The following SORCS1 variants were observed in gnomAD, a reference collection of about 807,000 sequenced individuals.
The protein encoded by SORCS1 is sortilin related VPS10 domain containing receptor 1.
SORCS1 carries 60 observed loss-of-function variants against 146.1 expected under a neutral mutation model. That is an observed-to-expected ratio of 0.41 (90% CI 0.33 to 0.51). The LOEUF (loss-of-function observed/expected upper bound fraction) is 0.51. Ranked by LOEUF, SORCS1 falls within the 20% of genes least tolerant of loss-of-function variation. SORCS1 has a pLI of 0.21. For missense variants in SORCS1, 1,352 were observed against 1,487.6 expected (o/e 0.91, Z 1.50); for synonymous variants, 637 against 584.0 (o/e 1.09, Z -1.31).
chr10:106,762,383 ATTCT>A (rs1564942215), intron 4 of SORCS1, among the ~76,000 whole-genome samples: 3 of 112,876 alleles, frequency 2.7e-5, no homozygotes, highest in Non-Finnish European at 5.3e-5. Context: ...CTTTTTTATT[ATTCT>A]TTTTTTTTTT....
Position 107,065,447 on chromosome 10 carries a change from CTT to C in SORCS1, c.558+98520_558+98521del, listed in dbSNP as rs1203348261. Among the ~76,000 whole-genome samples, 98 of 122,868 alleles carry C rather than the reference CTT, an allele frequency of 8.0e-4. 2 individuals are homozygous for C. The highest frequency in any genetic ancestry group is 2.8e-3 in the African/African-American group (92 of 33,188). The allele number at this position is 122,868 out of a possible 152,430, so 80.6% of individuals were successfully genotyped here. A position where few individuals can be genotyped will look rare whatever the true frequency, so the allele number is the denominator to read the frequency against. ...TCTTTCTTTCTTTCTTTCTTTCTTTCTTTTCTCTCTTTCTCTCTCCCTCTCCT... is the reference window on the plus strand; with the variant it reads ...TCTTTCTTTCTTTCTTTCTTTCTTTCTTCTCTCTTTCTCTCTCCCTCTCCT... On this transcript the variant is annotated intron_variant, in intron 1 of 25. Coordinates refer to ENST00000263054, the MANE Select transcript of SORCS1 (RefSeq NM_052918.5).
At chr10:106,781,867 C>T (rs1185446701) in intron 3 of SORCS1, among the ~76,000 whole-genome samples, 4 of 151,938 alleles carry the variant, frequency 2.6e-5, no homozygotes, top group Non-Finnish European at 5.9e-5. Flanking sequence ...CACAGAAATA[C>T]AAACAGTGAA....
intron 24 of SORCS1, among the ~76,000 whole-genome samples, chr10:106,592,274 CA>C (rs1272222928): frequency 6.6e-6 from 1 of 152,130 alleles, no homozygotes; most frequent in Non-Finnish European, 1.5e-5. Context: ...GGACTACATT[CA>C]AAATTTAGCT....
chr10:107,013,108 T>C (rs545104869), intron 1 of SORCS1, among the ~76,000 whole-genome samples: 37 of 152,298 alleles, frequency 2.4e-4, no homozygotes, highest in Admixed American at 2.4e-3. Flanking sequence ...TGGTACACAG[T>C]TGGTAGCTAA....
rs1265267507 is a variant in SORCS1 at position 106,677,588 on chromosome 10, G to A, written c.1741-184C>T. Reference sequence around the variant, plus strand: ...CATGGGCTATTATACCATTGGTGTTGTACAAAATAATTTTAGGTGTGTATA... The same window carrying A: ...CATGGGCTATTATACCATTGGTGTTATACAAAATAATTTTAGGTGTGTATA... On this transcript the variant is annotated intron_variant, in intron 12 of 25. Transcript: ENST00000263054. Among the ~76,000 whole-genome samples, 5 of 152,284 alleles carry A rather than the reference G, an allele frequency of 3.3e-5. No homozygotes were observed. In the East Asian group the frequency reaches 5.8e-4, roughly 18 times the overall value.
rs1554908001 is a variant in SORCS1 at position 106,994,086 on chromosome 10, A to AAAAAAAAAAAAAG, written c.559-37507_559-37506insCTTTTTTTTTTTT. On this transcript the variant is annotated intron_variant, in intron 1 of 25. Coordinates refer to ENST00000263054, the MANE Select transcript of SORCS1 (RefSeq NM_052918.5). ...CTCAAAAAAAAAAAAAAAAAAAAAA[A>AAAAAAAAAAAAAG]AGAAAATGAGAAGCAAACAAATTCA... 4.4e-4 allele frequency among the ~76,000 whole-genome samples: 59 copies of AAAAAAAAAAAAAG among 134,996 alleles called. 2 individuals are homozygous for AAAAAAAAAAAAAG. The highest frequency in any genetic ancestry group is 2.0e-3 in the African/African-American group (57 of 28,386). 88.6% of individuals were successfully genotyped at this position (134,996 alleles called of 152,430 possible). A position where few individuals can be genotyped will look rare whatever the true frequency, so the allele number is the denominator to read the frequency against.
chr10:106,971,940 T>C (rs889123578), intron 1 of SORCS1, among the ~76,000 whole-genome samples: 2 of 152,208 alleles, frequency 1.3e-5, no homozygotes, highest in Non-Finnish European at 1.5e-5. Context: ...AGAGTATGTA[T>C]GGTGGCAGGG....
At chr10:106,773,724 T>C (rs941961270) in intron 4 of SORCS1, among the ~76,000 whole-genome samples, 6 of 151,974 alleles carry the variant, frequency 3.9e-5, no homozygotes, top group Non-Finnish European at 5.9e-5. Flanking sequence ...CCAAGGTGGG[T>C]GGATCACAAG....
rs541790378 is a variant in SORCS1, at chr10:106,884,754, T to C, written c.627-55081A>G. 1.2e-4 allele frequency among the ~76,000 whole-genome samples: 19 copies of C among 152,274 alleles called. No individual in the cohort carries two copies. The South Asian group carries it at 3.5e-3, about 28-fold the overall frequency. ...CCCAAAAAAAATCATAATTGAGAAG[T>C]TTTTAAAAGAAGACTTGAATGTTTA... On this transcript the variant is annotated intron_variant, in intron 2 of 25. Coordinates refer to ENST00000263054, the MANE Select transcript of SORCS1 (RefSeq NM_052918.5).
intron 1 of SORCS1, among the ~76,000 whole-genome samples, chr10:107,143,934 A>G (rs1715487829): frequency 6.6e-6 from 1 of 151,784 alleles, no homozygotes; most frequent in Non-Finnish European, 1.5e-5. Flanking sequence ...CCCAGCCCCA[A>G]ACTCTTTCAA....
At chr10:106,935,493 G>A (rs1953667225) in intron 2 of SORCS1, among the ~76,000 whole-genome samples, 1 of 151,996 alleles carries the variant, frequency 6.6e-6, no homozygotes, top group South Asian at 2.1e-4. Context: ...GAGTTATAAT[G>A]GATACATTTT....
intron 3 of SORCS1, among the ~76,000 whole-genome samples, chr10:106,823,667 T>G (rs948446256): frequency 2.0e-5 from 3 of 152,180 alleles, no homozygotes; most frequent in African/African-American, 7.2e-5. Flanking sequence ...CAAGAACAAC[T>G]ATAATCAGAA....
chr10:106,682,150 CAAACAAAAAACAAACAAACAAACA>C (rs1000383426), intron 10 of SORCS1, among the ~76,000 whole-genome samples: 1 of 151,952 alleles, frequency 6.6e-6, no homozygotes, highest in African/African-American at 2.4e-5. Context: ...AAAACAAAAA[CAAACAAAAAACAAACAAACAAACA>C]AAACAAAAAA....
intron 1 of SORCS1, among the ~76,000 whole-genome samples, chr10:107,124,579 C>A (rs1277325789): frequency 1.3e-5 from 2 of 152,012 alleles, no homozygotes; most frequent in African/African-American, 2.4e-5. Context: ...TTCTTCCCTG[C>A]AAACATTTTG....
At chr10:106,699,982 G>T (rs1029102356) in intron 8 of SORCS1, among the ~76,000 whole-genome samples, 2 of 152,144 alleles carry the variant, frequency 1.3e-5, no homozygotes, top group Non-Finnish European at 2.9e-5. Context: ...GCAACCCCTA[G>T]CCAGTCTCCT....
intron 18 of SORCS1, among the ~76,000 whole-genome samples, chr10:106,645,738 AT>A (rs1849377909): frequency 6.6e-6 from 1 of 152,078 alleles, no homozygotes; most frequent in African/African-American, 2.4e-5. Flanking sequence ...CATAATAAAA[AT>A]AATAAAAAAC....
At chr10:106,916,284 A>C (rs1952419969) in intron 2 of SORCS1, among the ~76,000 whole-genome samples, 1 of 152,120 alleles carries the variant, frequency 6.6e-6, no homozygotes, top group African/African-American at 2.4e-5. Flanking sequence ...GGTCTAGTAC[A>C]TCAAAGGCAC....
chr10:106,860,515 G>A (rs1359592337), intron 2 of SORCS1, among the ~76,000 whole-genome samples: 3 of 152,152 alleles, frequency 2.0e-5, no homozygotes, highest in African/African-American at 4.8e-5. Flanking sequence ...CTCTAACATC[G>A]CACGAGTTAA....
rs1274232620 is a variant in SORCS1, at chr10:106,579,473, G to C, written c.3267C>G (p.Ala1089=). 5.6e-6 allele frequency: 9 copies of C among 1,613,436 alleles called. No homozygotes were observed. The highest frequency in any genetic ancestry group is 6.8e-6 in the Non-Finnish European group (8 of 1,179,832). The change falls in exon 25 of 26, where the codon GCC becomes GCG. Residue 1089 remains alanine (A), a splice_region_variant and synonymous_variant. Coordinates refer to ENST00000263054, the MANE Select transcript of SORCS1 (RefSeq NM_052918.5). ...GGGTTGGAGTGAGGTCCACCAGGGG[G>C]GCTTGTGGGGGAAACAGAGCAGAGA... ...VLVHAAHLTA[A]PLVDLTPTHS...
Sources: gnomAD v4.1 joint callset for allele counts (sites outside exome capture counted in the v4.1 genomes callset) on GRCh38, gnomAD v4.1.1 for gene constraint, MANE v1.5 for transcripts, NCBI Gene and HGNC (gene_info 2026-07-23, HGNC 2026-07-21) for gene names.